Variants in PCDHGB1 observed in about 807,000 individuals in gnomAD.
The protein encoded by PCDHGB1 is protocadherin gamma subfamily B, 1.
In PCDHGB1, 34 loss-of-function variants were observed where a neutral mutation model predicts 56.6. The ratio of observed to expected loss-of-function variants is 0.60; its 90% confidence interval spans 0.46 to 0.80. The LOEUF is 0.80. PCDHGB1 is among the 30% of genes least tolerant of loss of function. PCDHGB1 has a pLI of 0.00. For synonymous variants in PCDHGB1, 561 were observed against 505.9 expected (o/e 1.11, Z -1.46); for missense variants, 1,278 against 1,204.6 (o/e 1.06, Z -0.90).
chr5:141,450,615 T>C (rs2098687601), intron 1 of PCDHGB1, among the ~76,000 whole-genome samples: 1 of 151,340 alleles, frequency 6.6e-6, no homozygotes, highest in African/African-American at 2.4e-5. Flanking sequence ...GCCTCCTGAG[T>C]AGCTGGGATT....
chr5:141,360,369 C>G, intron 1 of PCDHGB1: 1 of 1,613,842 alleles, frequency 6.2e-7, no homozygotes, highest in Non-Finnish European at 8.5e-7. Context: ...TCACAGTAAA[C>G]CCAGAAAGCG....
In PCDHGB1 at chr5:141,478,818, C is replaced by T. The variant is rs980032138; in HGVS notation, c.2410-15989C>T. ...AGCACTCTTTTGCTATCACAACTAA[C>T]CAATCTTGCTAAGGGATGGTTAAGC... On this transcript the variant is annotated intron_variant, in intron 1 of 3. Transcript: ENST00000523390. The T allele has an allele frequency of 2.1e-5, 30 of 1,449,330 alleles. No individual in the cohort carries two copies. The African/African-American group carries it at 3.3e-4, about 16-fold the overall frequency. 89.8% of individuals were successfully genotyped at this position (1,449,330 alleles called of 1,614,324 possible). A position where few individuals can be genotyped will look rare whatever the true frequency, so the allele number is the denominator to read the frequency against.
chr5:141,392,768 T>C lies in PCDHGB1; in HGVS notation c.2409+40099T>C, dbSNP rs754714050. The C allele has an allele frequency of 1.9e-5, 29 of 1,507,388 alleles. No homozygotes were observed. In the Middle Eastern group the frequency reaches 7.0e-4, roughly 37 times the overall value. 93.4% of individuals were successfully genotyped at this position (1,507,388 alleles called of 1,614,324 possible). On this transcript the variant is annotated intron_variant, in intron 1 of 3. Coordinates refer to ENST00000523390, the MANE Select transcript of PCDHGB1 (RefSeq NM_018922.3). ...GCGGCAAGAAACTAAATAAGACCCA[T>C]TTATGCACAGTGAAGATTCTGAGAG...
At chr5:141,484,878 G>C (rs2099602522) in intron 1 of PCDHGB1, 1 of 341,888 alleles carries the variant, frequency 2.9e-6, no homozygotes, top group Non-Finnish European at 5.3e-6. Flanking sequence ...TGGAGGATAG[G>C]GTGGGCTTTT....
chr5:141,399,623 C>G, intron 1 of PCDHGB1: 2 of 1,613,920 alleles, frequency 1.2e-6, no homozygotes, highest in Non-Finnish European at 1.7e-6. Context: ...GCACTGGCCT[C>G]TTACGTGTCC....
At position 141,382,776 on chromosome 5, in the gene PCDHGB1, A is replaced by T. The variant is rs572614689; in HGVS notation, c.2409+30107A>T. 1.1e-5 allele frequency: 9 copies of T among 809,964 alleles called. No homozygotes were observed. In the South Asian group the frequency reaches 1.8e-4, roughly 17 times the overall value. The allele number at this position is 809,964 out of a possible 1,614,324, so 50.2% of individuals were successfully genotyped here. A position where few individuals can be genotyped will look rare whatever the true frequency, so the allele number is the denominator to read the frequency against. On this transcript the variant is annotated intron_variant, in intron 1 of 3. Coordinates refer to ENST00000523390, the MANE Select transcript of PCDHGB1 (RefSeq NM_018922.3). Reference sequence around the variant, plus strand: ...TAAGCCCTCTTCCAGGCTGCACTAAACTCAAGCCTCTATCCTGCTGGATTC... The same window carrying T: ...TAAGCCCTCTTCCAGGCTGCACTAATCTCAAGCCTCTATCCTGCTGGATTC...
chr5:141,371,043 G>A, intron 1 of PCDHGB1: 1 of 1,613,966 alleles, frequency 6.2e-7, no homozygotes, highest in Non-Finnish European at 8.5e-7. Context: ...AGCTGTGGAT[G>A]GGGGCGAGCC....
chr5:141,460,537 C>T (rs2098991642), intron 1 of PCDHGB1, among the ~76,000 whole-genome samples: 1 of 152,062 alleles, frequency 6.6e-6, no homozygotes, highest in African/African-American at 2.4e-5. Context: ...ATAATCTTAG[C>T]ACCTTAATCA....
At chr5:141,483,425 G>A (rs1460083757) in intron 1 of PCDHGB1, among the ~76,000 whole-genome samples, 1 of 152,116 alleles carries the variant, frequency 6.6e-6, no homozygotes, top group Non-Finnish European at 1.5e-5. Flanking sequence ...ACAGATGGAG[G>A]GAGCTGACTA....
intron 2 of PCDHGB1, among the ~76,000 whole-genome samples, chr5:141,504,788 TC>T (rs1235410120): frequency 6.6e-6 from 1 of 152,070 alleles, no homozygotes; most frequent in Non-Finnish European, 1.5e-5. Context: ...TCTTGGGGCC[TC>T]CTACATCTCC....
rs755090005 is a variant in PCDHGB1, at chr5:141,388,852, G to A, written c.2409+36183G>A. 1.9e-5 allele frequency: 31 copies of A among 1,613,990 alleles called. 1 individual carries two copies. The South Asian group carries it at 3.0e-4, about 15-fold the overall frequency. On this transcript the variant is annotated intron_variant, in intron 1 of 3. Coordinates refer to ENST00000523390, the MANE Select transcript of PCDHGB1 (RefSeq NM_018922.3). ...ATAGTTTTGGAAGCAAGGGACGGTG[G>A]AGGAATGATTGCGCAATGCACAGTG...
chr5:141,395,317 A>G, intron 1 of PCDHGB1: 1 of 1,488,840 alleles, frequency 6.7e-7, no homozygotes, highest in Non-Finnish European at 9.0e-7. Flanking sequence ...AACATTGTGA[A>G]GATAGTTGAA....
rs748395200 is a variant in PCDHGB1, at chr5:141,374,991, CT to C, written c.2409+22324del. On this transcript the variant is annotated intron_variant, in intron 1 of 3. Transcript: ENST00000523390. Reference sequence around the variant, plus strand: ...AATGTTTTGACTGGAGAAATTTCAACTTCTGCAAATCTAGACTATGAGGACT... The same window carrying C: ...AATGTTTTGACTGGAGAAATTTCAACTCTGCAAATCTAGACTATGAGGACT... The C allele has an allele frequency of 5.6e-6, 9 of 1,613,918 alleles. No individual in the cohort carries two copies. In the East Asian group the frequency reaches 2.0e-4, roughly 36 times the overall value.
intron 1 of PCDHGB1, among the ~76,000 whole-genome samples, chr5:141,363,511 A>T (rs1323894017): frequency 6.6e-6 from 1 of 152,256 alleles, no homozygotes; most frequent in Non-Finnish European, 1.5e-5. Flanking sequence ...CATCCTCCAC[A>T]GTTACTATAC....
At chr5:141,426,539 T>C in intron 1 of PCDHGB1, 2 of 347,388 alleles carry the variant, frequency 5.8e-6, no homozygotes, top group South Asian at 4.4e-5. Flanking sequence ...GGGAACATAC[T>C]TGTGAGTGAC....
intron 1 of PCDHGB1, chr5:141,360,286 G>C (rs768676904): frequency 6.2e-7 from 1 of 1,613,932 alleles, no homozygotes; most frequent in Non-Finnish European, 8.5e-7. Flanking sequence ...AGGAAACCTC[G>C]CCAAGGATCT....
At chr5:141,410,698 C>G in intron 1 of PCDHGB1, 1 of 1,482,836 alleles carries the variant, frequency 6.7e-7, no homozygotes, top group Non-Finnish European at 9.0e-7. Context: ...ACTTTATTTT[C>G]ATATCTAGAA....
intron 1 of PCDHGB1, chr5:141,403,040 C>T: frequency 1.2e-6 from 2 of 1,614,068 alleles, no homozygotes; most frequent in Non-Finnish European, 1.7e-6. Context: ...CAGGGCCAGT[C>T]AGATTCGCTA....
intron 1 of PCDHGB1, chr5:141,395,109 A>C (rs1181706209): frequency 6.2e-7 from 1 of 1,614,210 alleles, no homozygotes; most frequent in Non-Finnish European, 8.5e-7. Flanking sequence ...CTCGCGGAAG[A>C]GTCACCTGAT....
Sources: allele counts gnomAD v4.1 joint callset (sites outside exome capture counted in the v4.1 genomes callset), GRCh38; gene constraint gnomAD v4.1.1; transcripts MANE v1.5; gene names NCBI Gene and HGNC (gene_info 2026-07-23, HGNC 2026-07-21).